FKBP1B: variants seen among roughly 807,000 people sequenced by gnomAD.
The protein encoded by FKBP1B is FKBP prolyl isomerase 1B, also known as peptidyl-prolyl cis-trans isomerase FKBP1B.
In FKBP1B, 4 loss-of-function variants were observed where a neutral mutation model predicts 13.5. The ratio of observed to expected loss-of-function variants is 0.30; its 90% CI spans 0.15 to 0.68. The LOEUF (loss-of-function observed/expected upper bound fraction) is 0.68, where lower values mean the gene tolerates loss of function less well. Among genes scored for constraint, FKBP1B ranks in the 30% least tolerant of loss-of-function variants. The probability of loss-of-function intolerance (pLI) is 0.76; values close to 1 mark genes in which losing one functional copy is unlikely to be tolerated. For synonymous variants in FKBP1B, 54 were observed against 53.6 expected, an observed-to-expected ratio of 1.01 and a Z score of -0.03; for missense variants, 93 against 136.2, an observed-to-expected ratio of 0.68 and a Z score of 1.58.
chr2:24,063,438 A>G lies in FKBP1B; in HGVS notation c.*246A>G, dbSNP rs1011041870. The G allele has an allele frequency of 8.4e-6, 4 of 474,230 alleles. No homozygotes were observed. The highest frequency in any genetic ancestry group is 1.5e-5 in the Non-Finnish European group (4 of 268,804). The allele number at this position is 474,230 out of a possible 1,614,324, so 29.4% of individuals were successfully genotyped here. On this transcript the variant is annotated 3_prime_UTR_variant, in exon 4 of 4. Coordinates refer to ENST00000380986, the MANE Select transcript of FKBP1B (RefSeq NM_004116.5). Reference sequence around the variant, plus strand: ...TCAGGTTGTGCATTTTGTGTGATGCATGTAGTAGCCTTTCCTGATGACAGA... The same window carrying G: ...TCAGGTTGTGCATTTTGTGTGATGCGTGTAGTAGCCTTTCCTGATGACAGA...
the FKBP1B span, among the ~76,000 whole-genome samples, chr2:24,036,509 T>G: frequency 2.2e-4 from 33 of 152,332 alleles, no homozygotes; most frequent in Non-Finnish European, 2.8e-4. Flanking sequence ...GTAAAAATCT[T>G]TGAGAGGCAA....
chr2:24,049,842 G>A lies in FKBP1B; in HGVS notation c.-8G>A. 7.1e-7 allele frequency: 1 copy of A among 1,409,254 alleles called. No homozygotes were observed. Among genetic ancestry groups the A allele is most frequent in the African/African-American group, 1.5e-5 (1 of 67,384 alleles). The allele number at this position is 1,409,254 out of a possible 1,614,324, so 87.3% of individuals were successfully genotyped here. On this transcript the variant is annotated 5_prime_UTR_variant, in exon 1 of 4. Coordinates refer to ENST00000380986, the MANE Select transcript of FKBP1B (RefSeq NM_004116.5). Reference sequence around the variant, plus strand: ...GGACCCCCCAGAGGCGGGGCCTGTGGGACCGCTATGGGCGTGGAGATCGAG... The same window carrying A: ...GGACCCCCCAGAGGCGGGGCCTGTGAGACCGCTATGGGCGTGGAGATCGAG...
At chr2:24,034,574 CTT>C in the FKBP1B span, among the ~76,000 whole-genome samples, 6 of 138,034 alleles carry the variant, frequency 4.3e-5, no homozygotes, top group Admixed American at 7.4e-5. Flanking sequence ...GGCAACAAAA[CTT>C]TTTTTTTTTT....
chr2:24,061,694 ATTAC>A (rs1383368203), intron 3 of FKBP1B, among the ~76,000 whole-genome samples: 3 of 152,198 alleles, frequency 2.0e-5, no homozygotes, highest in African/African-American at 4.8e-5. Context: ...ACTGATACAA[ATTAC>A]TTACTTATTC....
At chr2:24,051,338 A>C (rs1191231027) in intron 1 of FKBP1B, among the ~76,000 whole-genome samples, 1 of 148,042 alleles carries the variant, frequency 6.8e-6, no homozygotes, top group Non-Finnish European at 1.5e-5. Flanking sequence ...TATCTCAAAA[A>C]AAAAAAAGAA....
intron 2 of FKBP1B, 99 bp downstream of exon 2, chr2:24,054,048 C>A: frequency 8.3e-7 from 1 of 1,203,186 alleles, no homozygotes. Context: ...TGGATCAGGG[C>A]TAAAGCCCAA....
chr2:24,060,551 CAAAT>C (rs926442907), intron 2 of FKBP1B, among the ~76,000 whole-genome samples: 2 of 151,600 alleles, frequency 1.3e-5, no homozygotes, highest in African/African-American at 2.4e-5. Context: ...GATTCTGTCT[CAAAT>C]AAATAAATAA....
chr2:24,062,459 G>A (rs1406966333), intron 3 of FKBP1B, among the ~76,000 whole-genome samples: 1 of 152,186 alleles, frequency 6.6e-6, no homozygotes, highest in African/African-American at 2.4e-5. Context: ...GATTACAGGT[G>A]TGAGCCACCA....
At position 24,063,247 on chromosome 2, in the gene FKBP1B, T is replaced by C; in HGVS notation, c.*55T>C. 1 of 1,494,004 alleles carries C rather than the reference T, an allele frequency of 6.7e-7. No individual in the cohort carries two copies. Among genetic ancestry groups the C allele is most frequent in the Non-Finnish European group, 8.9e-7 (1 of 1,118,476 alleles). The allele number at this position is 1,494,004 out of a possible 1,614,324, so 92.5% of individuals were successfully genotyped here. ...ATGGCTGCTGCTCACCCTCCTAGCC[T>C]GCTCTGCCACTGGGACGGCTCCTGC... On this transcript the variant is annotated 3_prime_UTR_variant, in exon 4 of 4. Coordinates refer to ENST00000380986, the MANE Select transcript of FKBP1B (RefSeq NM_004116.5).
chr2:24,042,530 C>T, the FKBP1B span, among the ~76,000 whole-genome samples: 1 of 118,690 alleles, frequency 8.4e-6, no homozygotes, highest in Non-Finnish European at 1.7e-5. Flanking sequence ...AGCAATACTC[C>T]GTCTCAAAAA....
the FKBP1B span, chr2:24,039,273 A>G: frequency 3.1e-6 from 5 of 1,614,222 alleles, no homozygotes; most frequent in East Asian, 1.1e-4. Context: ...CGAGTAGAAC[A>G]GGTGTATCAT....
At position 24,057,379 on chromosome 2, in the gene FKBP1B, T is replaced by G. The variant is rs533995493; in HGVS notation, c.85+3430T>G. Among the ~76,000 whole-genome samples the G allele has an allele frequency of 4.0e-3, 595 of 148,426 alleles. 6 individuals carry two copies. The highest frequency in any genetic ancestry group is 8.2e-3 in the Admixed American group (123 of 15,034). On this transcript the variant is annotated intron_variant, in intron 2 of 3. Transcript: ENST00000380986. ...CCTGGCTAATTTTTTTTTGGTTTTTTTTTGTGTGTGTGTGATGGAGTTTTG... is the reference window on the plus strand; with the variant it reads ...CCTGGCTAATTTTTTTTTGGTTTTTGTTTGTGTGTGTGTGATGGAGTTTTG...
chr2:24,044,002 T>A, the FKBP1B span, among the ~76,000 whole-genome samples: 1 of 152,202 alleles, frequency 6.6e-6, no homozygotes, highest in Admixed American at 6.5e-5. Context: ...AAAACTGTGA[T>A]CTCTGTCCCA....
At chr2:24,037,782 C>A in the FKBP1B span, 1 of 1,614,218 alleles carries the variant, frequency 6.2e-7, no homozygotes, top group African/African-American at 1.3e-5. Context: ...GACACCGTTG[C>A]ATTTCAACCA....
Position 24,063,422 on chromosome 2 carries a change from G to A in FKBP1B, c.*230G>A, listed in dbSNP as rs1229944122. 1.0e-5 allele frequency: 5 copies of A among 496,624 alleles called. No individual in the cohort carries two copies. The highest frequency in any genetic ancestry group is 2.0e-5 in the African/African-American group (1 of 50,600). 30.8% of individuals were successfully genotyped at this position (496,624 alleles called of 1,614,324 possible). A position where few individuals can be genotyped will look rare whatever the true frequency, so the allele number is the denominator to read the frequency against. ...TGCAGATTGAAGCATTTCAGGTTGT[G>A]CATTTTGTGTGATGCATGTAGTAGC... On this transcript the variant is annotated 3_prime_UTR_variant, in exon 4 of 4. Coordinates refer to ENST00000380986, the MANE Select transcript of FKBP1B (RefSeq NM_004116.5).
the FKBP1B span, chr2:24,038,413 C>G: frequency 1.9e-6 from 3 of 1,614,130 alleles, no homozygotes; most frequent in South Asian, 3.3e-5. Flanking sequence ...AATTATATTA[C>G]AAGTGTTGGA....
At chr2:24,038,899 A>C in the FKBP1B span, 1 of 1,614,228 alleles carries the variant, frequency 6.2e-7, no homozygotes, top group Non-Finnish European at 8.5e-7. Flanking sequence ...CACATCAAAC[A>C]CCAGGCAGGA....
At chr2:24,042,817 G>C in the FKBP1B span, among the ~76,000 whole-genome samples, 2 of 151,916 alleles carry the variant, frequency 1.3e-5, no homozygotes, top group African/African-American at 4.8e-5. Context: ...CAGATCACCT[G>C]ACCATCAGGA....
At chr2:24,048,319 A>C (rs1051062143), upstream of FKBP1B, among the ~76,000 whole-genome samples, 1 of 151,798 alleles carries the variant, frequency 6.6e-6, no homozygotes, top group South Asian at 2.1e-4. Context: ...AAAATTTAAA[A>C]ATTAGCCGAA....
Sources: allele counts gnomAD v4.1 joint callset (sites outside exome capture counted in the v4.1 genomes callset), GRCh38; gene constraint gnomAD v4.1.1; transcripts MANE v1.5; gene names NCBI Gene and HGNC (gene_info 2026-07-23, HGNC 2026-07-21).